The following KIAA1671 variants were observed in gnomAD, a reference collection of about 807,000 sequenced individuals.
KIAA1671 encodes the protein uncharacterized protein KIAA1671.
KIAA1671 carries 52 observed loss-of-function variants against 131.2 expected under a neutral mutation model. The observed-to-expected ratio is 0.40, with a 90% CI of 0.32 to 0.50. KIAA1671 has a LOEUF of 0.50. Ranked by LOEUF, KIAA1671 falls within the 20% of genes least tolerant of loss-of-function variation. KIAA1671 has a pLI of 0.73. For missense variants in KIAA1671, 2,360 were observed against 2,364.2 expected (o/e 1.00, Z 0.04); for synonymous variants, 1,003 against 961.6 (o/e 1.04, Z -0.80).
At chr22:25,063,025 G>A (rs1928257209) in intron 6 of KIAA1671, 2 of 151,964 alleles carry the variant, frequency 1.3e-5, no homozygotes, top group South Asian at 4.2e-4. Context: ...TAGCCAAGGG[G>A]GCTGAAGTGG....
intron 6 of KIAA1671, among the ~76,000 whole-genome samples, chr22:25,118,534 A>G (rs895114795): frequency 1.3e-5 from 2 of 151,976 alleles, no homozygotes; most frequent in African/African-American, 4.8e-5. Context: ...CAAGGGATCC[A>G]CCTACTTCAG....
chr22:25,047,467 CTTTTT>C (rs1198576836), intron 5 of KIAA1671, among the ~76,000 whole-genome samples: 1 of 120,462 alleles, frequency 8.3e-6, no homozygotes, highest in Non-Finnish European at 1.7e-5. Context: ...GCCTCTTTTC[CTTTTT>C]TTTTTTTTTT....
chr22:25,189,818 C>T (rs984739393), intron 11 of KIAA1671, among the ~76,000 whole-genome samples: 10 of 152,068 alleles, frequency 6.6e-5, no homozygotes, highest in African/African-American at 9.7e-5. Context: ...CACTGTGTTG[C>T]GTAGGCTGGT....
chr22:24,959,696 A>G (rs1445577019), intron 1 of KIAA1671, among the ~76,000 whole-genome samples: 2 of 152,326 alleles, frequency 1.3e-5, no homozygotes, highest in African/African-American at 2.4e-5. Context: ...CCTCTGGTCA[A>G]CTGTACGAGA....
Position 25,041,369 on chromosome 22 carries a change from G to A in KIAA1671, c.4239G>A (p.Gly1413=), listed in dbSNP as rs1926913888. 2 of 1,551,686 alleles carry A rather than the reference G, an allele frequency of 1.3e-6. No homozygotes were observed. Among genetic ancestry groups the A allele is most frequent in the East Asian group, 4.9e-5 (2 of 40,906 alleles). ...LDIKRAYSEK[G]PPANIREGLS... is the part of the protein sequence containing the mutation. ...TCAAGAGGGCCTACTCAGAGAAGGG[G>A]CCCCCTGCCAACATCCGAGAGGGCC... The change falls in exon 5 of 13, where the codon GGG becomes GGA. Residue 1413 remains glycine (G), a synonymous_variant. Transcript: ENST00000358431.
chr22:25,090,088 A>G (rs1568949246), intron 6 of KIAA1671, among the ~76,000 whole-genome samples: 1 of 152,186 alleles, frequency 6.6e-6, no homozygotes, highest in Non-Finnish European at 1.5e-5. Context: ...CACCTCTGCC[A>G]GGGTTTCACT....
At chr22:25,085,128 C>G (rs924156424) in intron 6 of KIAA1671, among the ~76,000 whole-genome samples, 3 of 152,254 alleles carry the variant, frequency 2.0e-5, no homozygotes, top group Non-Finnish European at 4.4e-5. Flanking sequence ...ATCACTGCAT[C>G]TTGCAGTAGA....
rs148807983 is a variant in KIAA1671 at position 25,093,065 on chromosome 22, A to T, written c.4530+43701A>T. 9.4e-4 allele frequency among the ~76,000 whole-genome samples: 143 copies of T among 152,342 alleles called. No individual in the cohort carries two copies. The East Asian group carries it at 0.026, about 28-fold the overall frequency. The stretch of plus-strand genomic sequence containing the variant: ...CAGACAGGTTCCTGGGTTTAAGTCC[A>T]GCCGGCAAGTGACTATGTTCATTGA... On this transcript the variant is annotated intron_variant, in intron 6 of 12. Transcript: ENST00000358431.
intron 1 of KIAA1671, among the ~76,000 whole-genome samples, chr22:25,015,876 A>AC (rs1925287217): frequency 6.6e-6 from 1 of 152,164 alleles, no homozygotes; most frequent in Admixed American, 6.5e-5. Flanking sequence ...TTTGCTAATT[A>AC]TGTCAATTCT....
intron 1 of KIAA1671, among the ~76,000 whole-genome samples, chr22:24,999,443 C>G (rs1924316224): frequency 6.6e-6 from 1 of 151,370 alleles, no homozygotes; most frequent in Non-Finnish European, 1.5e-5. Context: ...ATGGTTCAGA[C>G]TGGTCTCAAA....
chr22:25,153,145 A>G (rs1378188110), intron 6 of KIAA1671, among the ~76,000 whole-genome samples: 8 of 152,188 alleles, frequency 5.3e-5, no homozygotes, highest in Non-Finnish European at 1.0e-4. Flanking sequence ...ACTGCCACAG[A>G]TAAATTGTAT....
intron 6 of KIAA1671, among the ~76,000 whole-genome samples, chr22:25,130,244 GACAAATGC>G (rs1282255991): frequency 6.6e-6 from 1 of 152,118 alleles, no homozygotes; most frequent in East Asian, 1.9e-4. Flanking sequence ...CTTGAGTTTT[GACAAATGC>G]ACATACCCGT....
chr22:24,990,863 T>G (rs1334712291), intron 1 of KIAA1671, among the ~76,000 whole-genome samples: 2 of 151,954 alleles, frequency 1.3e-5, no homozygotes, highest in East Asian at 3.9e-4. Context: ...AGGTCCTTCT[T>G]GCCCAGCTGG....
At chr22:25,032,542 C>T (rs1304487734) in intron 3 of KIAA1671, 67 bp from the exon 4 acceptor site, 7 of 989,612 alleles carry the variant, frequency 7.1e-6, no homozygotes, top group Non-Finnish European at 1.1e-5. Flanking sequence ...GCCTCCTGAG[C>T]TGGTGTGTGG....
chr22:25,177,747 A>G (rs1934091531), intron 9 of KIAA1671, among the ~76,000 whole-genome samples: 1 of 152,164 alleles, frequency 6.6e-6, no homozygotes, highest in Non-Finnish European at 1.5e-5. Flanking sequence ...GGTGCATATT[A>G]CAGTAGGCTT....
At chr22:25,036,402 A>G (rs1333453641) in intron 4 of KIAA1671, among the ~76,000 whole-genome samples, 1 of 152,184 alleles carries the variant, frequency 6.6e-6, no homozygotes, top group Non-Finnish European at 1.5e-5. Flanking sequence ...TTAAAAAGAA[A>G]AAAAGTACAC....
chr22:25,120,568 C>T (rs1224633079), intron 6 of KIAA1671, among the ~76,000 whole-genome samples: 1 of 152,198 alleles, frequency 6.6e-6, no homozygotes, highest in Non-Finnish European at 1.5e-5. Context: ...ATCTCCTTTC[C>T]TGTCTCCCCA....
chr22:25,036,369 C>T (rs1350178618), intron 4 of KIAA1671, among the ~76,000 whole-genome samples: 1 of 151,928 alleles, frequency 6.6e-6, no homozygotes, highest in Non-Finnish European at 1.5e-5. Context: ...CATGAGCTAC[C>T]GTACCTGGCT....
chr22:24,977,883 A>T (rs76970002), intron 1 of KIAA1671, among the ~76,000 whole-genome samples: 1,749 of 152,266 alleles, frequency 0.011, 37 homozygotes, highest in African/African-American at 0.04. Context: ...CTTGTCTTAA[A>T]CAAACCAAAC....
Sources: gnomAD v4.1 joint callset for allele counts (sites outside exome capture counted in the v4.1 genomes callset) on GRCh38, gnomAD v4.1.1 for gene constraint, MANE v1.5 for transcripts, NCBI Gene and HGNC (gene_info 2026-07-23, HGNC 2026-07-21) for gene names.